Variants in PRPF40B observed in about 807,000 individuals in gnomAD.
The protein encoded by PRPF40B is pre-mRNA processing factor 40B, also known as pre-mRNA-processing factor 40 homolog B.
In PRPF40B, 56 loss-of-function variants were observed where a neutral mutation model predicts 124.5. The ratio of observed to expected loss-of-function variants is 0.45; its 90% CI spans 0.36 to 0.56. The LOEUF (loss-of-function observed/expected upper bound fraction) is 0.56. Among genes scored for constraint, PRPF40B ranks in the 20% least tolerant of loss-of-function variants. The probability of loss-of-function intolerance (pLI) is 0.00; values close to 1 mark genes in which losing one functional copy is unlikely to be tolerated. For missense variants in PRPF40B, 1,053 were observed against 1,169.5 expected (o/e 0.90, Z 1.45); for synonymous variants, 443 against 426.4 (o/e 1.04, Z -0.48).
At chr12:49,634,141 G>C (rs1343433838) in intron 10 of PRPF40B, 49 bp downstream of exon 10, 1 of 1,594,996 alleles carries the variant, frequency 6.3e-7, no homozygotes, top group South Asian at 1.1e-5. Flanking sequence ...CAGACTCCCA[G>C]CCTGGTTCAA....
chr12:49,630,390 C>G (rs1164212752), intron 1 of PRPF40B, among the ~76,000 whole-genome samples, 155 bp from the exon 2 acceptor site: 1 of 152,210 alleles, frequency 6.6e-6, no homozygotes, highest in Admixed American at 6.5e-5. Context: ...GCAAACCTAC[C>G]AAGGGCTAAG....
intron 15 of PRPF40B, 46 bp from the exon 16 acceptor site, chr12:49,636,670 G>GT: frequency 1.2e-6 from 2 of 1,610,664 alleles, no homozygotes; most frequent in East Asian, 4.5e-5. Flanking sequence ...GTCTGAGAGG[G>GT]TATCCTGCTG....
At chr12:49,622,757 A>C (rs1430633596), upstream of PRPF40B, 13 of 152,336 alleles carry the variant, frequency 8.5e-5, no homozygotes, top group Admixed American at 8.5e-4. Context: ...TAAAGGGAAC[A>C]GGAAGCGCCT....
chr12:49,628,586 C>T (rs559482457), intron 1 of PRPF40B, among the ~76,000 whole-genome samples: 24 of 119,970 alleles, frequency 2.0e-4, no homozygotes, highest in African/African-American at 6.5e-4. Context: ...TTTTTGGAGA[C>T]GAAATCTCGC....
intron 5 of PRPF40B, 47 bp downstream of exon 5, chr12:49,632,670 G>T (rs1354572126): frequency 6.2e-7 from 1 of 1,609,702 alleles, no homozygotes; most frequent in Admixed American, 1.7e-5. Context: ...AGGTTGGGGG[G>T]CATAGGGGAG....
Position 49,631,054 on chromosome 12 carries a change from TG to T in PRPF40B, c.85-346del, listed in dbSNP as rs1489858846. Among the ~76,000 whole-genome samples, 1 of 152,234 alleles carries T rather than the reference TG, an allele frequency of 6.6e-6. No individual in the cohort carries two copies. Among genetic ancestry groups the T allele is most frequent in the Non-Finnish European group, 1.5e-5 (1 of 68,038 alleles). ...TGGGGTACTTGGGTACCTGGATACC[TG>T]CCTTCTGCCCCTTCATCTGAGAGGC... On this transcript the variant is annotated intron_variant, in intron 2 of 25. Coordinates refer to ENST00000548825, the MANE Select transcript of PRPF40B (RefSeq NM_001031698.3). This position sits in a 1 kb window ranked among gnomAD's most constrained non-coding sequence, Gnocchi z 4.3.
intron 4 of PRPF40B, chr12:49,632,375 C>T (rs1941306491): frequency 1.7e-6 from 1 of 593,326 alleles, no homozygotes. Context: ...CAACAAAATA[C>T]TCTCACTTGA....
intron 1 of PRPF40B, among the ~76,000 whole-genome samples, chr12:49,626,129 C>A (rs1940689329): frequency 6.6e-6 from 1 of 152,246 alleles, no homozygotes; most frequent in Non-Finnish European, 1.5e-5. Context: ...AGCTACCTCT[C>A]TCTGTCACAG....
intron 1 of PRPF40B, among the ~76,000 whole-genome samples, chr12:49,630,302 C>A (rs1377865236): frequency 6.6e-6 from 1 of 152,160 alleles, no homozygotes; most frequent in African/African-American, 2.4e-5. Context: ...TGGAAACTTT[C>A]AAAATAAAGA....
chr12:49,623,796 A>G (rs1940430421), intron 1 of PRPF40B: 1 of 958,372 alleles, frequency 1.0e-6, no homozygotes, highest in Admixed American at 7.6e-5. Context: ...GGAGGCCATG[A>G]TGGAGCCTGG....
chr12:49,636,261 A>T (rs986227226), intron 15 of PRPF40B, among the ~76,000 whole-genome samples: 1 of 152,176 alleles, frequency 6.6e-6, no homozygotes, highest in East Asian at 1.9e-4. Context: ...AGTCCTAGAG[A>T]TGTCAATGAT....
rs1941463192 is a variant in PRPF40B, at chr12:49,633,649, A to G, written c.593A>G (p.Gln198Arg). 1 of 1,614,100 alleles carries G rather than the reference A, an allele frequency of 6.2e-7. No homozygotes were observed. Among genetic ancestry groups the G allele is most frequent in the Admixed American group, 1.7e-5 (1 of 60,002 alleles). The change falls in exon 9 of 26, where the codon CAA becomes CGA. Residue 198 changes from glutamine to arginine, a missense_variant. By Grantham distance (43) the Gln-to-Arg change is conservative. This residue lies in a region of PRPF40B where 895 missense variants were observed against 1,052.2 expected (regional missense o/e 0.85). Transcript: ENST00000548825. ...DLDDLEVLVK[Q>R]EAAGKQQQQL... ...TTTCCCATCACAGTTCTAGTCAAAC[A>G]AGAGGCTGCAGGGTGAGTGACTTGC... is the stretch of plus-strand genomic sequence containing the variant.
At chr12:49,633,590 CT>C in intron 8 of PRPF40B, 43 bp downstream of exon 8, 1 of 1,614,220 alleles carries the variant, frequency 6.2e-7, no homozygotes, top group Non-Finnish European at 8.5e-7. Context: ...GCTCTGGGGG[CT>C]CCCTATTGCC....
chr12:49,630,601 GC>G lies in PRPF40B; in HGVS notation c.66del (p.Met23Ter). ...CAGCGCCTGCCCCCTTCCCACCGGG[GC>G]CCCCCATGATGCCACCACCCTTCGT... ...PAAPAPFPPG[P>X]PMMPPPFMPP... On this transcript the variant is annotated frameshift_variant, in exon 2 of 26. Coordinates refer to ENST00000548825, the MANE Select transcript of PRPF40B (RefSeq NM_001031698.3). LOFTEE classifies it high-confidence loss of function. 2.7e-5 allele frequency: 36 copies of G among 1,349,646 alleles called. No individual in the cohort carries two copies. The highest frequency in any genetic ancestry group is 3.5e-5 in the Non-Finnish European group (33 of 941,274). 83.6% of individuals were successfully genotyped at this position (1,349,646 alleles called of 1,614,324 possible).
At position 49,642,035 on chromosome 12, in the gene PRPF40B, G is replaced by C. The variant is rs1271353090; in HGVS notation, c.1884+11G>C. ...CTGACCTTCAATAGTGTGAGGGGCTGGGCGGGGCGTGGGAAGTTCTCTAAT... is the reference window on the plus strand; with the variant it reads ...CTGACCTTCAATAGTGTGAGGGGCTCGGCGGGGCGTGGGAAGTTCTCTAAT... On this transcript the variant is annotated intron_variant, in intron 19 of 25. Transcript: ENST00000548825. This position sits in a 1 kb window ranked among gnomAD's most constrained non-coding sequence, Gnocchi z 5.8. 2 of 1,610,764 alleles carry C rather than the reference G, an allele frequency of 1.2e-6. No individual in the cohort carries two copies. Among genetic ancestry groups the C allele is most frequent in the African/African-American group, 1.3e-5 (1 of 74,918 alleles).
At chr12:49,627,824 G>C (rs73305065) in intron 1 of PRPF40B, among the ~76,000 whole-genome samples, 2,992 of 152,238 alleles carry the variant, frequency 0.02, 107 homozygotes, top group African/African-American at 0.068. Context: ...GGGCAAGATG[G>C]GTGGTGGAAA....
At position 49,642,901 on chromosome 12, in the gene PRPF40B, C is replaced by T; in HGVS notation, c.2119-29C>T. On this transcript the variant is annotated intron_variant, in intron 21 of 25. Coordinates refer to ENST00000548825, the MANE Select transcript of PRPF40B (RefSeq NM_001031698.3). This position sits in a 1 kb window ranked among gnomAD's most constrained non-coding sequence, Gnocchi z 5.8. Reference sequence around the variant, plus strand: ...TTCCTGGGGCTAAGTCTGGTGCTGTCCTCACCCTTCTTCCTCTGCCTCTAG... The same window carrying T: ...TTCCTGGGGCTAAGTCTGGTGCTGTTCTCACCCTTCTTCCTCTGCCTCTAG... 6.2e-7 allele frequency: 1 copy of T among 1,600,464 alleles called. No individual in the cohort carries two copies. The highest frequency in any genetic ancestry group is 1.7e-4 in the Middle Eastern group (1 of 6,048).
chr12:49,637,387 T>TCTGCCATTCCCTCTCTTCCC, intron 16 of PRPF40B, 83 bp from the exon 17 acceptor site: 1 of 915,072 alleles, frequency 1.1e-6, no homozygotes, highest in Non-Finnish European at 1.7e-6. Context: ...TGCCTCTTCC[T>TCTGCCATTCCCTCTCTTCCC]CTGCCATTCC....
chr12:49,635,754 T>C lies in PRPF40B; in HGVS notation c.1276-89T>C. On this transcript the variant is annotated intron_variant, in intron 14 of 25. Transcript: ENST00000548825. This position sits in a 1 kb window ranked among gnomAD's most constrained non-coding sequence, Gnocchi z 4.1. Reference sequence around the variant, plus strand: ...GTATGGCCTTCTTCCTAGGGTTCCCTAGCTACCTTTCCCCAGGTCCTCCTC... The same window carrying C: ...GTATGGCCTTCTTCCTAGGGTTCCCCAGCTACCTTTCCCCAGGTCCTCCTC... The C allele has an allele frequency of 6.6e-7, 1 of 1,519,382 alleles. No homozygotes were observed. Among genetic ancestry groups the C allele is most frequent in the Non-Finnish European group, 9.0e-7 (1 of 1,115,998 alleles). The allele number at this position is 1,519,382 out of a possible 1,614,324, so 94.1% of individuals were successfully genotyped here.
Sources: gnomAD v4.1 joint callset for allele counts (sites outside exome capture counted in the v4.1 genomes callset) on GRCh38, gnomAD v4.1.1 for gene constraint, gnomAD v4.1.1 regional missense constraint, Gnocchi (gnomAD v3.1) non-coding constraint, MANE v1.5 for transcripts, NCBI Gene and HGNC (gene_info 2026-07-23, HGNC 2026-07-21) for gene names.